Variants in ILDR2 observed in about 807,000 individuals in gnomAD.
ILDR2 encodes immunoglobulin like domain containing receptor 2.
A neutral mutation model predicts 66.8 loss-of-function variants in ILDR2; 25 were observed. The ratio of observed to expected loss-of-function variants is 0.37; its 90% CI spans 0.27 to 0.52. The LOEUF (loss-of-function observed/expected upper bound fraction) is 0.52. Ranked by LOEUF, ILDR2 falls within the 20% of genes least tolerant of loss-of-function variation. The pLI is 0.88. For missense variants in ILDR2, 827 were observed against 876.8 expected, an observed-to-expected ratio of 0.94 and a Z score of 0.72; for synonymous variants, 367 against 357.2, an observed-to-expected ratio of 1.03 and a Z score of -0.31.
At chr1:166,907,499 C>T (rs980716983), downstream of ILDR2, among the ~76,000 whole-genome samples, 4 of 152,128 alleles carry the variant, frequency 2.6e-5, no homozygotes, top group African/African-American at 9.7e-5. Context: ...CTGTTCATTT[C>T]TTTTGAGGGA....
chr1:166,920,911 C>T lies in ILDR2; in HGVS notation c.1680G>A (p.Pro560=), dbSNP rs746466477. ...ACCAAGCGTAGTAGGAGGCGCTGCGCGGGCCGAGCTGCGCGCTCCGCTTGG... is the reference window on the plus strand; with the variant it reads ...ACCAAGCGTAGTAGGAGGCGCTGCGTGGGCCGAGCTGCGCGCTCCGCTTGG... The part of the protein sequence containing the change: ...TPSKRSAQLG[P]RSASYYAWSP... Residue 560 remains proline (P), a synonymous_variant, in exon 9 of 10, where the codon CCG becomes CCA. Coordinates refer to ENST00000271417, the MANE Select transcript of ILDR2 (RefSeq NM_199351.3). The T allele has an allele frequency of 4.7e-6, 7 of 1,475,856 alleles. No individual in the cohort carries two copies. The East Asian group carries it at 8.6e-5, about 18-fold the overall frequency. The allele number at this position is 1,475,856 out of a possible 1,614,324, so 91.4% of individuals were successfully genotyped here.
At chr1:166,898,830 T>C (rs989928) in intron 2 of ILDR2, among the ~76,000 whole-genome samples, 123,589 of 151,710 alleles carry the variant, frequency 0.81, 50,707 homozygotes, top group African/African-American at 0.86. Context: ...GAGGCCAAAG[T>C]GGTAGATTGC....
At chr1:166,973,541 A>C (rs1178149403) in intron 1 of ILDR2, among the ~76,000 whole-genome samples, 1 of 146,328 alleles carries the variant, frequency 6.8e-6, no homozygotes, top group Non-Finnish European at 1.5e-5. Flanking sequence ...CACTCCCTGC[A>C]AACCCCCAGA....
intron 3 of ILDR2, among the ~76,000 whole-genome samples, chr1:166,947,559 T>C: frequency 6.6e-6 from 1 of 152,068 alleles, no homozygotes. Context: ...TGGAGAAAAA[T>C]GGGACAACTG....
chr1:166,926,439 G>A (rs1349128542), intron 7 of ILDR2, among the ~76,000 whole-genome samples: 8 of 151,986 alleles, frequency 5.3e-5, no homozygotes, highest in Admixed American at 3.9e-4. Context: ...CAGCCTCTTT[G>A]CTTGCCCCTT....
In ILDR2 at chr1:166,921,694, A is replaced by T. The variant is rs929823527; in HGVS notation, c.1212-315T>A. Among the ~76,000 whole-genome samples, 2 of 152,198 alleles carry T rather than the reference A, an allele frequency of 1.3e-5. No individual in the cohort carries two copies. The highest frequency in any genetic ancestry group is 4.8e-5 in the African/African-American group (2 of 41,464). ...GTCATTATGTTGTGACCTCGGGTTGACAGCCACACGTCTCCACCCTCAAAG... is the reference window on the plus strand; with the variant it reads ...GTCATTATGTTGTGACCTCGGGTTGTCAGCCACACGTCTCCACCCTCAAAG... On this transcript the variant is annotated intron_variant, in intron 8 of 9. Coordinates refer to ENST00000271417, the MANE Select transcript of ILDR2 (RefSeq NM_199351.3). This position sits in a 1 kb window ranked among gnomAD's most constrained non-coding sequence, Gnocchi z 5.3.
At chr1:166,972,384 A>G (rs888977133) in intron 1 of ILDR2, among the ~76,000 whole-genome samples, 1 of 152,154 alleles carries the variant, frequency 6.6e-6, no homozygotes, top group Non-Finnish European at 1.5e-5. Flanking sequence ...AAAGGATAAA[A>G]CACCACCCAT....
At chr1:166,961,794 C>G (rs1402758909) in intron 1 of ILDR2, among the ~76,000 whole-genome samples, 1 of 152,198 alleles carries the variant, frequency 6.6e-6, no homozygotes, top group Non-Finnish European at 1.5e-5. Flanking sequence ...ATCAAGGTGT[C>G]AGATGCCGAG....
At chr1:166,920,666 G>A in intron 9 of ILDR2, 41 bp downstream of exon 9, 3 of 1,346,178 alleles carry the variant, frequency 2.2e-6, no homozygotes, top group Non-Finnish European at 1.9e-6. Flanking sequence ...GGAGGCTCCC[G>A]CTCAGTCCCC....
At chr1:166,946,066 TGAG>T (rs1426300841) in intron 3 of ILDR2, among the ~76,000 whole-genome samples, 1 of 152,192 alleles carries the variant, frequency 6.6e-6, no homozygotes, top group Non-Finnish European at 1.5e-5. Context: ...CCTATGTCTT[TGAG>T]GAGAACAGAT....
intron 2 of ILDR2, among the ~76,000 whole-genome samples, chr1:166,898,975 C>T (rs769170781): frequency 1.5e-4 from 23 of 151,820 alleles, no homozygotes; most frequent in Non-Finnish European, 2.6e-4. Flanking sequence ...TGGGAGAATC[C>T]CTTGAGCCTG....
chr1:166,907,817 A>G (rs1420914694), downstream of ILDR2, among the ~76,000 whole-genome samples: 1 of 152,166 alleles, frequency 6.6e-6, no homozygotes, highest in East Asian at 1.9e-4. Flanking sequence ...ATTAAATGGG[A>G]GCTCACCAAA....
intron 3 of ILDR2, among the ~76,000 whole-genome samples, chr1:166,953,126 T>G (rs1051555951): frequency 1.8e-4 from 28 of 152,214 alleles, no homozygotes; most frequent in African/African-American, 5.3e-4. Context: ...GAATTAATTC[T>G]TCTCTGTGTC....
In ILDR2 at chr1:166,909,734, TAC is replaced by T. The variant is rs1264498613; in HGVS notation, c.*9619_*9620del. 6.4e-5 allele frequency: 5 copies of T among 78,074 alleles called. No individual in the cohort carries two copies. Among genetic ancestry groups the T allele is most frequent in the South Asian group, 4.6e-4 (1 of 2,168 alleles). 4.8% of individuals were successfully genotyped at this position (78,074 alleles called of 1,614,324 possible). A position where few individuals can be genotyped will look rare whatever the true frequency, so the allele number is the denominator to read the frequency against. On this transcript the variant is annotated 3_prime_UTR_variant, in exon 10 of 10. Transcript: ENST00000271417. Reference sequence around the variant, plus strand: ...ACATATATATGTGTGTGTGTATACATACATATATATATATATATATATATAAA... The same window carrying T: ...ACATATATATGTGTGTGTGTATACATATATATATATATATATATATATAAA...
chr1:166,907,419 T>A (rs888141264), downstream of ILDR2, among the ~76,000 whole-genome samples: 8 of 152,338 alleles, frequency 5.3e-5, no homozygotes, highest in East Asian at 1.4e-3. Flanking sequence ...GAGAGAGTTA[T>A]TTACGTCTCA....
At chr1:166,961,646 T>C (rs1380074964) in intron 1 of ILDR2, among the ~76,000 whole-genome samples, 1 of 152,186 alleles carries the variant, frequency 6.6e-6, no homozygotes, top group Non-Finnish European at 1.5e-5. Context: ...TTAAGTAAGA[T>C]TGTATCCTAA....
At position 166,920,970 on chromosome 1, in the gene ILDR2, C is replaced by A. The variant is rs925817910; in HGVS notation, c.1621G>T (p.Gly541Cys). 1.3e-6 allele frequency: 2 copies of A among 1,486,702 alleles called. No homozygotes were observed. The highest frequency in any genetic ancestry group is 1.8e-6 in the Non-Finnish European group (2 of 1,129,448). 92.1% of individuals were successfully genotyped at this position (1,486,702 alleles called of 1,614,324 possible). A position where few individuals can be genotyped will look rare whatever the true frequency, so the allele number is the denominator to read the frequency against. Residue 541 changes from glycine to cysteine, a missense_variant, in exon 9 of 10, where the codon GGC becomes TGC. Gly to Cys is a radical substitution (Grantham distance 159). Transcript: ENST00000271417. Reference protein sequence around the residue: ...SARERQARPEGASRGGSLETP... With the variant: ...SARERQARPECASRGGSLETP... ...TCCAGGCTGCCACCGCGGCTGGCGC[C>A]CTCGGGCCGCGCCTGGCGCTCCCGC...
intron 6 of ILDR2, among the ~76,000 whole-genome samples, chr1:166,928,777 A>T (rs1183994390): frequency 6.6e-6 from 1 of 152,230 alleles, no homozygotes; most frequent in Non-Finnish European, 1.5e-5. Context: ...CCGATTTTCT[A>T]TATGAGAATA....
chr1:166,952,954 C>A (rs1311388572), intron 3 of ILDR2, among the ~76,000 whole-genome samples: 1 of 152,170 alleles, frequency 6.6e-6, no homozygotes, highest in Non-Finnish European at 1.5e-5. Context: ...TGCCCTCCTA[C>A]AAGATTATTA....
Sources: allele counts gnomAD v4.1 joint callset (sites outside exome capture counted in the v4.1 genomes callset), GRCh38; gene constraint gnomAD v4.1.1; non-coding constraint Gnocchi (gnomAD v3.1); transcripts MANE v1.5; gene names NCBI Gene and HGNC (gene_info 2026-07-23, HGNC 2026-07-21).